Variants in MAPK1IP1L observed in about 807,000 individuals in gnomAD.
MAPK1IP1L encodes mitogen-activated protein kinase 1 interacting protein 1 like.
In MAPK1IP1L, 10 loss-of-function variants were observed where a neutral mutation model predicts 18.1. That is an observed-to-expected ratio of 0.55 (90% CI 0.34 to 0.94). MAPK1IP1L has a LOEUF of 0.94. MAPK1IP1L is among the 40% of genes least tolerant of loss of function. The pLI is 0.02. For missense variants in MAPK1IP1L, 260 were observed against 318.2 expected, an observed-to-expected ratio of 0.82 and a Z score of 1.39; for synonymous variants, 115 against 117.3, an observed-to-expected ratio of 0.98 and a Z score of 0.13.
chr14:55,063,679 AAGTAC>A (rs2042838485), intron 3 of MAPK1IP1L, among the ~76,000 whole-genome samples: 1 of 152,194 alleles, frequency 6.6e-6, no homozygotes, highest in Non-Finnish European at 1.5e-5. Context: ...CATCACACCA[AAGTAC>A]AGTTCAGTAA....
At position 55,064,740 on chromosome 14, in the gene MAPK1IP1L, A is replaced by G. The variant is rs181217024; in HGVS notation, c.*113A>G. 6,943 of 976,366 alleles carry G rather than the reference A, an allele frequency of 7.1e-3. 47 individuals are homozygous for G. The highest frequency in any genetic ancestry group is 8.6e-3 in the Non-Finnish European group (5,340 of 623,184). The allele number at this position is 976,366 out of a possible 1,614,324, so 60.5% of individuals were successfully genotyped here. ...TATTAGAGGGCATTCATGAAAGAAC[A>G]ACTCTTGCACCTCTCAGAGAAGATA... On this transcript the variant is annotated 3_prime_UTR_variant, in exon 4 of 4. Transcript: ENST00000395468.
At chr14:55,060,650 G>A (rs2042810866) in intron 1 of MAPK1IP1L, 1 of 152,204 alleles carries the variant, frequency 6.6e-6, no homozygotes, top group Non-Finnish European at 1.5e-5. Context: ...CTGCCATGAG[G>A]CAAGGTAGTT....
rs2042887362 is a variant in MAPK1IP1L at position 55,069,112 on chromosome 14, A to G, written c.*4485A>G. The G allele has an allele frequency of 6.6e-6, 1 of 151,938 alleles. No individual in the cohort carries two copies. Among genetic ancestry groups the G allele is most frequent in the African/African-American group, 2.4e-5 (1 of 41,330 alleles). 9.4% of individuals were successfully genotyped at this position (151,938 alleles called of 1,614,324 possible). A position where few individuals can be genotyped will look rare whatever the true frequency, so the allele number is the denominator to read the frequency against. ...ACAGGATAGTTTGCCTCTTCACTTT[A>G]CCCCTGGATAAAGGCACTTTCACTG... On this transcript the variant is annotated 3_prime_UTR_variant, in exon 4 of 4. Transcript: ENST00000395468.
At chr14:55,055,193 C>T (rs2140257077) in intron 1 of MAPK1IP1L, among the ~76,000 whole-genome samples, 1 of 152,240 alleles carries the variant, frequency 6.6e-6, no homozygotes, top group Non-Finnish European at 1.5e-5. Context: ...CTCTTAACTA[C>T]TGGCCTCAAG....
In MAPK1IP1L at chr14:55,068,831, A is replaced by C. The variant is rs1435733375; in HGVS notation, c.*4204A>C. The C allele has an allele frequency of 6.6e-6, 1 of 152,216 alleles. No individual in the cohort carries two copies. Among genetic ancestry groups the C allele is most frequent in the Non-Finnish European group, 1.5e-5 (1 of 68,038 alleles). 9.4% of individuals were successfully genotyped at this position (152,216 alleles called of 1,614,324 possible). On this transcript the variant is annotated 3_prime_UTR_variant, in exon 4 of 4. Transcript: ENST00000395468. ...TCAGTAGACAATATGTCCTTGATCC[A>C]GGTTCTTTGCCAGCTATAAGGGAAT... is the stretch of plus-strand genomic sequence containing the variant.
intron 2 of MAPK1IP1L, 43 bp from the exon 3 acceptor site, chr14:55,062,575 A>C (rs749172510): frequency 4.0e-6 from 6 of 1,505,930 alleles, no homozygotes; most frequent in Non-Finnish European, 3.6e-6. Flanking sequence ...GTTCGATGTA[A>C]CTTTTCCCTA....
At chr14:55,064,517 G>A (rs2042846995) in intron 3 of MAPK1IP1L, 99 bp from the exon 4 acceptor site, 6 of 992,982 alleles carry the variant, frequency 6.0e-6, no homozygotes. Context: ...CTTGCTGTTT[G>A]GATTTATTAA....
At chr14:55,058,530 G>A (rs1054835735) in intron 1 of MAPK1IP1L, among the ~76,000 whole-genome samples, 15 of 152,078 alleles carry the variant, frequency 9.9e-5, no homozygotes, top group Admixed American at 3.3e-4. Flanking sequence ...CTGCATTTGC[G>A]GGTAGAAAAT....
intron 1 of MAPK1IP1L, among the ~76,000 whole-genome samples, chr14:55,056,595 C>T (rs1165285102): frequency 2.6e-5 from 4 of 152,056 alleles, no homozygotes; most frequent in South Asian, 2.1e-4. Context: ...CTGCAAGCTC[C>T]GCCTCCTGGG....
rs1362752896 is a variant in MAPK1IP1L, at chr14:55,067,270, G to C, written c.*2643G>C. On this transcript the variant is annotated 3_prime_UTR_variant, in exon 4 of 4. Coordinates refer to ENST00000395468, the MANE Select transcript of MAPK1IP1L (RefSeq NM_144578.4). ...GGATAATATAATTTGCTTTTATATT[G>C]TTATTTTTGTAAAGCATCTTTTCTT... 7.9e-6 allele frequency: 1 copy of C among 125,906 alleles called. No homozygotes were observed. The highest frequency in any genetic ancestry group is 1.7e-5 in the Non-Finnish European group (1 of 60,126). The allele number at this position is 125,906 out of a possible 1,614,324, so 7.8% of individuals were successfully genotyped here.
chr14:55,054,782 A>C (rs1405554808), intron 1 of MAPK1IP1L, among the ~76,000 whole-genome samples: 1 of 151,902 alleles, frequency 6.6e-6, no homozygotes, highest in Non-Finnish European at 1.5e-5. Flanking sequence ...ATGGAGTTCA[A>C]CTCTCTTAAC....
intron 2 of MAPK1IP1L, 26 bp downstream of exon 2, chr14:55,061,727 A>T: frequency 6.5e-7 from 1 of 1,539,112 alleles, no homozygotes. Context: ...TATCTGTGAT[A>T]AGTTTTTCAT....
chr14:55,066,717 C>T lies in MAPK1IP1L; in HGVS notation c.*2090C>T, dbSNP rs548894720. ...TTTGGGAATCTATAATTATGAAGTC[C>T]ATTGATTTTGGGAGAAAATCTGTTG... is the stretch of plus-strand genomic sequence containing the variant. On this transcript the variant is annotated 3_prime_UTR_variant, in exon 4 of 4. Coordinates refer to ENST00000395468, the MANE Select transcript of MAPK1IP1L (RefSeq NM_144578.4). 55 of 152,192 alleles carry T rather than the reference C, an allele frequency of 3.6e-4. No homozygotes were observed. Among genetic ancestry groups the T allele is most frequent in the Non-Finnish European group, 7.2e-4 (49 of 68,018 alleles). 9.4% of individuals were successfully genotyped at this position (152,192 alleles called of 1,614,324 possible).
At chr14:55,059,380 C>G (rs187301798) in intron 1 of MAPK1IP1L, among the ~76,000 whole-genome samples, 2 of 151,932 alleles carry the variant, frequency 1.3e-5, no homozygotes, top group Non-Finnish European at 2.9e-5. Context: ...GCCTGTAATC[C>G]CAAGACTTTG....
At chr14:55,052,647 C>T (rs764429728) in intron 1 of MAPK1IP1L, among the ~76,000 whole-genome samples, 1 of 152,172 alleles carries the variant, frequency 6.6e-6, no homozygotes, top group Non-Finnish European at 1.5e-5. Flanking sequence ...TTGTAAAGGT[C>T]TGTTTCGAAA....
chr14:55,064,023 T>C, intron 3 of MAPK1IP1L: 1 of 122,914 alleles, frequency 8.1e-6, no homozygotes, highest in African/African-American at 3.1e-5. Context: ...TTTTTTTTTT[T>C]TTTTTTTTTT....
intron 1 of MAPK1IP1L, among the ~76,000 whole-genome samples, chr14:55,057,280 G>A (rs1056511906): frequency 2.8e-4 from 42 of 152,194 alleles, no homozygotes; most frequent in African/African-American, 8.4e-4. Context: ...TTTGCAAATG[G>A]CGTATTTTTT....
Position 55,069,768 on chromosome 14 carries a change from A to T in MAPK1IP1L, c.*5141A>T, listed in dbSNP as rs2140265707. On this transcript the variant is annotated 3_prime_UTR_variant, in exon 4 of 4. Coordinates refer to ENST00000395468, the MANE Select transcript of MAPK1IP1L (RefSeq NM_144578.4). ...CATTGTGGTGATTTTCTCTTCTTTTAAGGCTAGGCTACTCTTGGTAACCAG... is the reference window on the plus strand; with the variant it reads ...CATTGTGGTGATTTTCTCTTCTTTTTAGGCTAGGCTACTCTTGGTAACCAG... The T allele has an allele frequency of 6.6e-6, 1 of 152,302 alleles. No individual in the cohort carries two copies. The allele number at this position is 152,302 out of a possible 1,614,324, so 9.4% of individuals were successfully genotyped here.
chr14:55,055,979 T>A (rs1184637621), intron 1 of MAPK1IP1L, among the ~76,000 whole-genome samples: 1 of 152,158 alleles, frequency 6.6e-6, no homozygotes, highest in Non-Finnish European at 1.5e-5. Context: ...AATTTTTCAT[T>A]TAATATGTTC....
Sources: allele counts gnomAD v4.1 joint callset (sites outside exome capture counted in the v4.1 genomes callset), GRCh38; gene constraint gnomAD v4.1.1; transcripts MANE v1.5; gene names NCBI Gene and HGNC (gene_info 2026-07-23, HGNC 2026-07-21).